CPNE4: variants seen among roughly 807,000 people sequenced by gnomAD.
CPNE4 encodes copine-4.
In CPNE4, 25 loss-of-function variants were observed where a neutral mutation model predicts 67.9. The observed-to-expected ratio is 0.37, with a 90% CI of 0.27 to 0.51. The LOEUF (loss-of-function observed/expected upper bound fraction) is 0.51, where lower values mean the gene tolerates loss of function less well. Ranked by LOEUF, CPNE4 falls within the 20% of genes least tolerant of loss-of-function variation. The probability of loss-of-function intolerance (pLI) is 0.93; values close to 1 mark genes in which losing one functional copy is unlikely to be tolerated. For synonymous variants in CPNE4, 242 were observed against 244.9 expected (o/e 0.99, Z 0.11); for missense variants, 464 against 690.8 (o/e 0.67, Z 3.68).
intron 14 of CPNE4, among the ~76,000 whole-genome samples, chr3:131,547,603 A>C (rs1049114150): frequency 4.6e-5 from 7 of 152,000 alleles, no homozygotes; most frequent in African/African-American, 1.7e-4. Flanking sequence ...GCTTGGATTA[A>C]ATCCTCAGCA....
At chr3:131,733,891 G>A (rs1287176353) in intron 2 of CPNE4, among the ~76,000 whole-genome samples, 5 of 152,142 alleles carry the variant, frequency 3.3e-5, no homozygotes, top group Admixed American at 2.6e-4. Flanking sequence ...ACTCATCTGC[G>A]GGATGCTGCA....
At chr3:131,611,889 C>T (rs183439346) in intron 7 of CPNE4, among the ~76,000 whole-genome samples, 42 of 152,120 alleles carry the variant, frequency 2.8e-4, no homozygotes, top group Admixed American at 8.5e-4. Context: ...GCCCAAGTCA[C>T]GACAAATAAG....
intron 2 of CPNE4, among the ~76,000 whole-genome samples, chr3:131,735,614 C>T (rs556661923): frequency 6.6e-6 from 1 of 152,228 alleles, no homozygotes; most frequent in South Asian, 2.1e-4. Flanking sequence ...ATATTAATAT[C>T]CAACCAAAGA....
chr3:132,015,142 G>A (rs2073860712), intron 1 of CPNE4, among the ~76,000 whole-genome samples: 1 of 151,918 alleles, frequency 6.6e-6, no homozygotes. Flanking sequence ...CTCTGATCCT[G>A]GTTTATCTTT....
rs1935064100 is a variant in CPNE4 at position 131,535,165 on chromosome 3, T to G, written c.*30A>C. ...TATGAAATATTAGCAGGAATAGTAT[T>G]TCAGAACTCTGTAAAACTGTGTGGG... On this transcript the variant is annotated 3_prime_UTR_variant, in exon 16 of 16. Transcript: ENST00000429747. 4 of 1,571,540 alleles carry G rather than the reference T, an allele frequency of 2.5e-6. No individual in the cohort carries two copies. Among genetic ancestry groups the G allele is most frequent in the Non-Finnish European group, 3.5e-6 (4 of 1,159,262 alleles).
At chr3:131,542,860 A>C in intron 14 of CPNE4, 67 bp from the exon 15 acceptor site, 1 of 1,105,350 alleles carries the variant, frequency 9.0e-7, no homozygotes, top group Non-Finnish European at 1.4e-6. Flanking sequence ...ACAATACAAT[A>C]CCAGTTAGAC....
intron 1 of CPNE4, among the ~76,000 whole-genome samples, chr3:131,968,037 C>G (rs2072400630): frequency 6.6e-6 from 1 of 152,070 alleles, no homozygotes; most frequent in Non-Finnish European, 1.5e-5. Context: ...AGAACAGCGG[C>G]CTCAGAAATA....
chr3:131,827,973 T>C lies in CPNE4; in HGVS notation c.180+77291A>G, dbSNP rs551165665. On this transcript the variant is annotated intron_variant, in intron 2 of 15. Coordinates refer to ENST00000429747, the MANE Select transcript of CPNE4 (RefSeq NM_130808.3). ...GAGCATATCTGAGCTCTTCACGAGG[T>C]TCCTGCAAAGAGCTCATATTTCAAT... Among the ~76,000 whole-genome samples the C allele has an allele frequency of 7.9e-5, 12 of 151,992 alleles. 1 individual carries two copies. Among genetic ancestry groups the C allele is most frequent in the African/African-American group, 2.9e-4 (12 of 41,350 alleles).
intron 7 of CPNE4, among the ~76,000 whole-genome samples, chr3:131,639,635 G>A (rs1448247255): frequency 1.3e-5 from 2 of 152,034 alleles, no homozygotes; most frequent in Non-Finnish European, 2.9e-5. Context: ...GAGAAAGAAG[G>A]AATCCTTCCT....
At chr3:131,760,694 C>A (rs1394402941) in intron 2 of CPNE4, among the ~76,000 whole-genome samples, 1 of 152,190 alleles carries the variant, frequency 6.6e-6, no homozygotes, top group East Asian at 1.9e-4. Context: ...CCCAGCAAAG[C>A]TTTGGAAGCT....
chr3:131,958,436 T>C (rs1167350841), intron 1 of CPNE4, among the ~76,000 whole-genome samples: 1 of 151,934 alleles, frequency 6.6e-6, no homozygotes, highest in African/African-American at 2.4e-5. Flanking sequence ...ACTGTGACTA[T>C]GGAGCCCAGG....
chr3:131,593,209 G>A (rs58160616), intron 7 of CPNE4, among the ~76,000 whole-genome samples: 19,010 of 152,210 alleles, frequency 0.12, 1,554 homozygotes, highest in African/African-American at 0.23. Context: ...AAATGCCTTT[G>A]AGATTTTAAT....
At chr3:131,790,026 G>A (rs1301084493) in intron 2 of CPNE4, among the ~76,000 whole-genome samples, 1 of 152,054 alleles carries the variant, frequency 6.6e-6, no homozygotes, top group African/African-American at 2.4e-5. Context: ...AGTGGACATT[G>A]GATGACAAGA....
chr3:131,982,686 T>C (rs1343498748), intron 1 of CPNE4, among the ~76,000 whole-genome samples: 1 of 152,218 alleles, frequency 6.6e-6, no homozygotes, highest in Non-Finnish European at 1.5e-5. Flanking sequence ...AGAAAGTACA[T>C]ATTGATTTTT....
chr3:131,834,036 G>A (rs1318784587), intron 2 of CPNE4, among the ~76,000 whole-genome samples: 1 of 152,100 alleles, frequency 6.6e-6, no homozygotes, highest in African/African-American at 2.4e-5. Flanking sequence ...TGAAATATCT[G>A]CAAACTGAGA....
intron 1 of CPNE4, among the ~76,000 whole-genome samples, chr3:131,951,687 C>A (rs566626146): frequency 9.2e-5 from 14 of 152,280 alleles, no homozygotes; most frequent in East Asian, 1.9e-4. Flanking sequence ...CTCAGCCTGC[C>A]GAGTGCCTGC....
At chr3:131,766,836 A>G (rs745801836) in intron 2 of CPNE4, among the ~76,000 whole-genome samples, 16 of 152,152 alleles carry the variant, frequency 1.1e-4, no homozygotes, top group Non-Finnish European at 1.9e-4. Flanking sequence ...TCTGTTCATA[A>G]TACATTTTAC....
rs1413990071 is a variant in CPNE4 at position 131,978,079 on chromosome 3, ATATATATAAAT to A, written c.-2+56477_-2+56487del. ...TATAAATATATATAAATATATATAA[ATATATATAAAT>A]ATATATATAAATATATATAAAATAT... is the stretch of plus-strand genomic sequence containing the variant. On this transcript the variant is annotated intron_variant, in intron 1 of 15. Coordinates refer to ENST00000429747, the MANE Select transcript of CPNE4 (RefSeq NM_130808.3). Among the ~76,000 whole-genome samples the A allele has an allele frequency of 2.3e-4, 8 of 34,780 alleles. No homozygotes were observed. In the East Asian group the frequency reaches 3.4e-3, roughly 15 times the overall value. The allele number at this position is 34,780 out of a possible 152,430, so 22.8% of individuals were successfully genotyped here.
chr3:131,903,840 C>T (rs1429234527), intron 2 of CPNE4, among the ~76,000 whole-genome samples: 2 of 152,072 alleles, frequency 1.3e-5, no homozygotes, highest in African/African-American at 2.4e-5. Flanking sequence ...GATGTGTCCC[C>T]TTGTTCTTCC....
Sources: allele counts gnomAD v4.1 joint callset (sites outside exome capture counted in the v4.1 genomes callset), GRCh38; gene constraint gnomAD v4.1.1; transcripts MANE v1.5; gene names NCBI Gene and HGNC (gene_info 2026-07-23, HGNC 2026-07-21).